CPED1: variants seen among roughly 807,000 people sequenced by gnomAD.
CPED1 encodes the protein cadherin-like and PC-esterase domain-containing protein 1.
A neutral mutation model predicts 128.2 loss-of-function variants in CPED1; 114 were observed. That is an observed-to-expected ratio of 0.89 (90% CI 0.76 to 1.04). The LOEUF (loss-of-function observed/expected upper bound fraction) is 1.04, where lower values mean the gene tolerates loss of function less well. Among genes scored for constraint, CPED1 ranks in the 50% least tolerant of loss-of-function variants. The pLI is 0.00. For missense variants in CPED1, 1,211 were observed against 1,207.1 expected (o/e 1.00, Z -0.05); for synonymous variants, 462 against 426.7 (o/e 1.08, Z -1.02).
intron 22 of CPED1, among the ~76,000 whole-genome samples, chr7:121,281,155 C>A (rs1197088403): frequency 1.3e-5 from 2 of 152,150 alleles, no homozygotes; most frequent in Non-Finnish European, 2.9e-5. Flanking sequence ...AGGTCAAGAT[C>A]AATCTTAAGA....
Position 121,251,249 on chromosome 7 carries a change from T to A in CPED1, c.2310+6911T>A, listed in dbSNP as rs1324716485. On this transcript the variant is annotated intron_variant, in intron 18 of 22. Transcript: ENST00000310396. ...ATCTCAATAGATGCAGAAAAGGCCT[T>A]TGACAAAATTCAACAACCCTTCATG... is the stretch of plus-strand genomic sequence containing the variant. Among the ~76,000 whole-genome samples the A allele has an allele frequency of 2.6e-5, 4 of 152,152 alleles. No homozygotes were observed. The East Asian group carries it at 7.7e-4, about 29-fold the overall frequency.
rs758136695 is a variant in CPED1 at position 121,127,218 on chromosome 7, T to G, written c.1263T>G (p.Ser421=). 12 of 1,591,906 alleles carry G rather than the reference T, an allele frequency of 7.5e-6. No individual in the cohort carries two copies. Among genetic ancestry groups the G allele is most frequent in the Non-Finnish European group, 9.5e-6 (11 of 1,162,454 alleles). Residue 421 remains serine (S), a synonymous_variant, in exon 10 of 23, where the codon TCT becomes TCG. Coordinates refer to ENST00000310396, the MANE Select transcript of CPED1 (RefSeq NM_024913.5). ...FPNESSLSIF[S]EIFQRLYRSD... ...ATGAATCATCACTTTCCATATTTTC[T>G]GAGATATTTCAGAGACTTTATAGAT...
At chr7:121,031,294 C>T (rs1585028378) in intron 3 of CPED1, among the ~76,000 whole-genome samples, 1 of 151,906 alleles carries the variant, frequency 6.6e-6, no homozygotes, top group Admixed American at 6.6e-5. Flanking sequence ...AAACTGTGGG[C>T]CTGCCTGCCA....
At chr7:121,066,206 G>T (rs1793827833) in intron 5 of CPED1, among the ~76,000 whole-genome samples, 1 of 152,042 alleles carries the variant, frequency 6.6e-6, no homozygotes. Context: ...AAGGCAAAAT[G>T]TCCTGTGTAA....
intron 12 of CPED1, 124 bp from the exon 13 acceptor site, chr7:121,133,699 A>G: frequency 4.9e-6 from 3 of 613,946 alleles, no homozygotes; most frequent in Admixed American, 6.4e-5. Flanking sequence ...AAATGCAGAA[A>G]GCGTTTTTTT....
rs532354276 is a variant in CPED1 at position 121,072,340 on chromosome 7, C to T, written c.616+8027C>T. Among the ~76,000 whole-genome samples, 5 of 152,136 alleles carry T rather than the reference C, an allele frequency of 3.3e-5. No individual in the cohort carries two copies. The East Asian group carries it at 9.7e-4, about 29-fold the overall frequency. ...ACCACAAAGAAAATTGACTAGTGGC[C>T]ACTGAATTAGCCTCACTCAATTACC... On this transcript the variant is annotated intron_variant, in intron 5 of 22. Transcript: ENST00000310396.
chr7:121,006,731 C>T (rs1401873314), intron 2 of CPED1, among the ~76,000 whole-genome samples: 3 of 152,188 alleles, frequency 2.0e-5, no homozygotes, highest in Non-Finnish European at 2.9e-5. Context: ...CACCATCTCT[C>T]AGCTATCCCT....
At chr7:121,256,135 A>AAAC (rs1791865343) in intron 18 of CPED1, among the ~76,000 whole-genome samples, 11 of 148,968 alleles carry the variant, frequency 7.4e-5, no homozygotes, top group African/African-American at 2.2e-4. Flanking sequence ...AAAACAAAAA[A>AAAC]AAAAAACAAA....
intron 16 of CPED1, among the ~76,000 whole-genome samples, chr7:121,180,221 A>T (rs992019582): frequency 2.6e-5 from 4 of 151,962 alleles, no homozygotes; most frequent in African/African-American, 7.2e-5. Context: ...GACTCATTAT[A>T]TTTTCATGTG....
chr7:121,013,732 C>T (rs963995014), intron 2 of CPED1, among the ~76,000 whole-genome samples: 1 of 152,144 alleles, frequency 6.6e-6, no homozygotes, highest in African/African-American at 2.4e-5. Context: ...CTACTCTATG[C>T]TCTGTCTATG....
At chr7:121,289,066 A>G (rs1792640032) in intron 22 of CPED1, among the ~76,000 whole-genome samples, 1 of 152,136 alleles carries the variant, frequency 6.6e-6, no homozygotes, top group South Asian at 2.1e-4. Context: ...TGTACACAGT[A>G]GAAAATTTTG....
At chr7:121,257,277 A>C (rs1469927653) in intron 18 of CPED1, among the ~76,000 whole-genome samples, 3 of 152,070 alleles carry the variant, frequency 2.0e-5, no homozygotes, top group Non-Finnish European at 4.4e-5. Context: ...AAGACCCTTC[A>C]AAGCATGTGG....
intron 16 of CPED1, among the ~76,000 whole-genome samples, chr7:121,178,740 A>C (rs1162008664): frequency 6.6e-6 from 1 of 152,130 alleles, no homozygotes. Flanking sequence ...CAGGGAAAGC[A>C]AGAAGAGCTG....
At chr7:121,034,189 A>C (rs1297716856) in intron 3 of CPED1, among the ~76,000 whole-genome samples, 2 of 151,944 alleles carry the variant, frequency 1.3e-5, no homozygotes, top group Non-Finnish European at 2.9e-5. Context: ...AAAGCATCAA[A>C]CTCAAAACAA....
intron 13 of CPED1, among the ~76,000 whole-genome samples, chr7:121,134,636 T>G (rs1447045591): frequency 6.6e-6 from 1 of 152,088 alleles, no homozygotes; most frequent in Non-Finnish European, 1.5e-5. Flanking sequence ...GTGATAGGTA[T>G]GCTAATTAGC....
chr7:121,208,612 T>C (rs533195666), intron 16 of CPED1, among the ~76,000 whole-genome samples: 2 of 152,176 alleles, frequency 1.3e-5, no homozygotes, highest in Admixed American at 1.3e-4. Flanking sequence ...ATTTGAATTA[T>C]TTAGTCTGAC....
intron 16 of CPED1, among the ~76,000 whole-genome samples, chr7:121,144,655 A>G (rs1054525265): frequency 6.6e-6 from 1 of 152,084 alleles, no homozygotes; most frequent in East Asian, 1.9e-4. Flanking sequence ...TTCATGGCAT[A>G]TTTCAAAACA....
chr7:121,274,447 G>A (rs566873340), intron 22 of CPED1, among the ~76,000 whole-genome samples: 2 of 152,192 alleles, frequency 1.3e-5, no homozygotes, highest in Admixed American at 1.3e-4. Context: ...TATTTCTGAT[G>A]TAGGCTGTCT....
intron 5 of CPED1, among the ~76,000 whole-genome samples, chr7:121,069,715 A>G (rs925551299): frequency 1.2e-4 from 18 of 152,134 alleles, no homozygotes; most frequent in African/African-American, 4.3e-4. Context: ...AGTTGGCCCA[A>G]ATTTGTTGCT....
Sources: gnomAD v4.1 joint callset for allele counts (sites outside exome capture counted in the v4.1 genomes callset) on GRCh38, gnomAD v4.1.1 for gene constraint, MANE v1.5 for transcripts, NCBI Gene and HGNC (gene_info 2026-07-23, HGNC 2026-07-21) for gene names.